CEP63: variants seen among roughly 807,000 people sequenced by gnomAD.
The protein encoded by CEP63 is centrosomal protein of 63 kDa.
Under a neutral mutation model 89.1 loss-of-function variants are expected in CEP63, and 84 were observed. The observed-to-expected ratio is 0.94, with a 90% CI of 0.79 to 1.13. The LOEUF (loss-of-function observed/expected upper bound fraction) is 1.13. Ranked by LOEUF, CEP63 falls within the 50% of genes most tolerant of loss-of-function variation. The pLI is 0.00. For synonymous variants in CEP63, 267 were observed against 272.5 expected (o/e 0.98, Z 0.20); for missense variants, 838 against 813.3 (o/e 1.03, Z -0.37).
the CEP63 span, among the ~76,000 whole-genome samples, chr3:134,631,124 A>C: frequency 6.6e-6 from 1 of 152,244 alleles, no homozygotes; most frequent in African/African-American, 2.4e-5. Context: ...CACATCATTG[A>C]AGTCTCAGAA....
the CEP63 span, among the ~76,000 whole-genome samples, chr3:134,627,304 C>T: frequency 6.6e-6 from 1 of 152,118 alleles, no homozygotes; most frequent in Admixed American, 6.5e-5. Context: ...ATCTGGTCTA[C>T]TGAGGGGGAA....
chr3:134,759,930 A>T, the CEP63 span, among the ~76,000 whole-genome samples: 1 of 152,214 alleles, frequency 6.6e-6, no homozygotes, highest in South Asian at 2.1e-4. Flanking sequence ...CAGAGCACAG[A>T]GAGGTTAAGT....
At chr3:134,743,220 T>C in the CEP63 span, among the ~76,000 whole-genome samples, 1 of 152,168 alleles carries the variant, frequency 6.6e-6, no homozygotes, top group Non-Finnish European at 1.5e-5. Flanking sequence ...TATGTGTGAG[T>C]AATAAAGTTG....
chr3:134,650,449 G>T, the CEP63 span, among the ~76,000 whole-genome samples: 34 of 152,258 alleles, frequency 2.2e-4, 1 homozygote, highest in South Asian at 2.1e-4. Flanking sequence ...GTGTGCTGTG[G>T]GGGGGAGCAG....
At chr3:134,533,160 T>C (rs1950180654) in intron 5 of CEP63, among the ~76,000 whole-genome samples, 1 of 152,088 alleles carries the variant, frequency 6.6e-6, no homozygotes, top group Non-Finnish European at 1.5e-5. Flanking sequence ...CGGAGACATA[T>C]TTTTTTGGTT....
chr3:134,612,534 G>A, the CEP63 span, among the ~76,000 whole-genome samples: 2 of 152,182 alleles, frequency 1.3e-5, no homozygotes, highest in African/African-American at 2.4e-5. Flanking sequence ...GAAACAGCTA[G>A]CAGAGAAGGA....
chr3:134,604,400 C>G, the CEP63 span: 2 of 1,614,060 alleles, frequency 1.2e-6, no homozygotes, highest in Non-Finnish European at 1.7e-6. Flanking sequence ...AGCCCATGCT[C>G]TTGCTTGCCA....
chr3:134,708,797 T>C, the CEP63 span, among the ~76,000 whole-genome samples: 2 of 152,088 alleles, frequency 1.3e-5, no homozygotes, highest in African/African-American at 4.8e-5. Flanking sequence ...AGCAAGATGA[T>C]TCAGGATGCG....
intron 10 of CEP63, among the ~76,000 whole-genome samples, chr3:134,549,633 T>G (rs1272732335): frequency 6.6e-6 from 1 of 152,182 alleles, no homozygotes; most frequent in African/African-American, 2.4e-5. Flanking sequence ...ACTGTCCTAT[T>G]TGTTTGATTT....
At chr3:134,604,292 A>G in the CEP63 span, 1 of 1,613,872 alleles carries the variant, frequency 6.2e-7, no homozygotes, top group African/African-American at 1.3e-5. Context: ...ACTGAGCTGT[A>G]GATGTCGGAG....
At chr3:134,582,316 C>A (rs1958378283) in intron 10 of CEP63, among the ~76,000 whole-genome samples, 1 of 152,128 alleles carries the variant, frequency 6.6e-6, no homozygotes, top group Non-Finnish European at 1.5e-5. Flanking sequence ...TCTCCTAATG[C>A]TATCCCTCCC....
chr3:134,487,638 C>A (rs1438364673), intron 1 of CEP63, among the ~76,000 whole-genome samples: 1 of 152,212 alleles, frequency 6.6e-6, no homozygotes, highest in Non-Finnish European at 1.5e-5. Context: ...AACTGAATCT[C>A]CGATCTTTAT....
the CEP63 span, among the ~76,000 whole-genome samples, chr3:134,625,474 C>A: frequency 6.6e-6 from 1 of 152,214 alleles, no homozygotes. Context: ...CTTTTTCCCA[C>A]CATTTGGTTT....
chr3:134,782,036 A>G, the CEP63 span, among the ~76,000 whole-genome samples: 2 of 152,300 alleles, frequency 1.3e-5, no homozygotes, highest in Middle Eastern at 3.4e-3. Flanking sequence ...TTGGATAGAA[A>G]CCATGTCTCA....
chr3:134,558,414 T>G, intron 13 of CEP63, 67 bp downstream of exon 13: 1 of 1,123,430 alleles, frequency 8.9e-7, no homozygotes, highest in South Asian at 1.3e-5. Context: ...TCTTTGAGAA[T>G]AATTTTTGAC....
chr3:134,494,281 A>AT (rs577635507), intron 1 of CEP63, among the ~76,000 whole-genome samples: 92 of 141,144 alleles, frequency 6.5e-4, no homozygotes, highest in East Asian at 1.0e-3. Context: ...TGCCCAGCTA[A>AT]TTTTTTTTTT....
chr3:134,679,166 A>G, the CEP63 span, among the ~76,000 whole-genome samples: 1 of 152,338 alleles, frequency 6.6e-6, no homozygotes, highest in African/African-American at 2.4e-5. Context: ...ATATAATTAT[A>G]GTTTATATAA....
intron 12 of CEP63, among the ~76,000 whole-genome samples, chr3:134,556,222 T>A (rs1483185948): frequency 6.6e-6 from 1 of 151,574 alleles, no homozygotes; most frequent in African/African-American, 2.4e-5. Context: ...GGGCAAGGAC[T>A]TCATGTCTAA....
chr3:134,730,677 T>C, the CEP63 span, among the ~76,000 whole-genome samples: 1 of 151,836 alleles, frequency 6.6e-6, no homozygotes, highest in Non-Finnish European at 1.5e-5. Flanking sequence ...AACTATAAAC[T>C]TAAAAAAATG....
Sources: allele counts gnomAD v4.1 joint callset (sites outside exome capture counted in the v4.1 genomes callset), GRCh38; gene constraint gnomAD v4.1.1; transcripts MANE v1.5; gene names NCBI Gene and HGNC (gene_info 2026-07-23, HGNC 2026-07-21).